SNAPC3: variants seen among roughly 807,000 people sequenced by gnomAD.
SNAPC3 encodes the protein small nuclear RNA activating complex polypeptide 3, also known as snRNA-activating protein complex subunit 3.
In SNAPC3, 56 loss-of-function variants were observed where a neutral mutation model predicts 47.7. The ratio of observed to expected loss-of-function variants is 1.18; its 90% CI spans 0.95 to 1.47. The LOEUF is 1.47. Among genes scored for constraint, SNAPC3 ranks in the 40% most tolerant of loss-of-function variants. SNAPC3 has a pLI of 0.00. For missense variants in SNAPC3, 665 were observed against 511.3 expected, an observed-to-expected ratio of 1.30 and a Z score of -2.90; for synonymous variants, 235 against 189.9, an observed-to-expected ratio of 1.24 and a Z score of -1.95.
At chr9:15,425,310 C>T (rs940986135) in intron 2 of SNAPC3, among the ~76,000 whole-genome samples, 29 of 152,108 alleles carry the variant, frequency 1.9e-4, no homozygotes, top group African/African-American at 7.0e-4. Flanking sequence ...CTTCTGCCTC[C>T]GGGTTCAAGC....
At chr9:15,465,936 AAG>A (rs759291772), downstream of SNAPC3, 8 of 191,656 alleles carry the variant, frequency 4.2e-5, no homozygotes, top group Non-Finnish European at 6.4e-5. Context: ...TCTTAATAAA[AAG>A]AGAGGTTGAT....
chr9:15,465,309 C>T, downstream of SNAPC3: 1 of 459,226 alleles, frequency 2.2e-6, no homozygotes, highest in Non-Finnish European at 3.8e-6. Context: ...GGATTTTATC[C>T]CACATTTACT....
Position 15,423,034 on chromosome 9 carries a change from G to T in SNAPC3, c.155G>T (p.Arg52Leu). ...GTGGGCGCCTTTGGGGAGCTGTGGC[G>T]GGGCCGTCTGCGCGGGGCCGGGGAC... ...FHVGAFGELW[R>L]GRLRGAGDLS... The change falls in exon 1 of 9, where the codon CGG becomes CTG. Residue 52 changes from arginine (R) to leucine (L), a missense_variant. Coordinates refer to ENST00000380821, the MANE Select transcript of SNAPC3 (RefSeq NM_001039697.2). The T allele has an allele frequency of 1.3e-6, 2 of 1,524,450 alleles. No homozygotes were observed. The highest frequency in any genetic ancestry group is 8.8e-7 in the Non-Finnish European group (1 of 1,142,160). 94.4% of individuals were successfully genotyped at this position (1,524,450 alleles called of 1,614,324 possible). A position where few individuals can be genotyped will look rare whatever the true frequency, so the allele number is the denominator to read the frequency against.
chr9:15,431,527 G>A (rs190258793), intron 2 of SNAPC3, among the ~76,000 whole-genome samples: 1 of 149,248 alleles, frequency 6.7e-6, no homozygotes, highest in African/African-American at 2.4e-5. Flanking sequence ...AGATAACAGA[G>A]TATACACAAA....
chr9:15,435,141 C>T (rs552140676), intron 3 of SNAPC3, among the ~76,000 whole-genome samples: 8 of 152,018 alleles, frequency 5.3e-5, no homozygotes, highest in South Asian at 2.1e-4. Flanking sequence ...ATTGTGGTTT[C>T]GATTTGCATT....
intron 2 of SNAPC3, among the ~76,000 whole-genome samples, chr9:15,432,994 T>C (rs2032352930): frequency 6.6e-6 from 1 of 152,152 alleles, no homozygotes; most frequent in Admixed American, 6.5e-5. Context: ...TAAACATCAC[T>C]AGTAAGATGT....
At chr9:15,433,664 C>A in intron 3 of SNAPC3, 28 bp downstream of exon 3, 2 of 1,397,782 alleles carry the variant, frequency 1.4e-6, no homozygotes, top group Non-Finnish European at 1.0e-6. Context: ...CTTTTTCACC[C>A]TTTTCTCTTA....
At chr9:15,437,669 T>C (rs1048506177) in intron 3 of SNAPC3, among the ~76,000 whole-genome samples, 1 of 151,858 alleles carries the variant, frequency 6.6e-6, no homozygotes, top group Admixed American at 6.5e-5. Flanking sequence ...TGGTGTATTA[T>C]ATTGATTGAC....
intron 2 of SNAPC3, among the ~76,000 whole-genome samples, chr9:15,431,495 A>G (rs1236858921): frequency 6.6e-6 from 1 of 151,984 alleles, no homozygotes; most frequent in East Asian, 1.9e-4. Context: ...TTTCTTCCTA[A>G]TTGAACTCAG....
At chr9:15,434,205 G>C (rs142917417) in intron 3 of SNAPC3, among the ~76,000 whole-genome samples, 104 of 152,206 alleles carry the variant, frequency 6.8e-4, no homozygotes, top group African/African-American at 2.4e-3. Flanking sequence ...GTGGCAATAA[G>C]TACATTCACA....
At chr9:15,438,235 C>T (rs2033008053) in intron 3 of SNAPC3, among the ~76,000 whole-genome samples, 1 of 152,000 alleles carries the variant, frequency 6.6e-6, no homozygotes, top group African/African-American at 2.4e-5. Flanking sequence ...GGAATTTGTC[C>T]TTTTCATCTA....
chr9:15,442,655 C>A (rs1052546418), intron 3 of SNAPC3, among the ~76,000 whole-genome samples: 1 of 151,436 alleles, frequency 6.6e-6, no homozygotes, highest in South Asian at 2.1e-4. Flanking sequence ...GACGAGATGG[C>A]GGCCAGGAAG....
At chr9:15,424,681 C>G (rs1368734359) in intron 2 of SNAPC3, among the ~76,000 whole-genome samples, 2 of 152,272 alleles carry the variant, frequency 1.3e-5, no homozygotes, top group African/African-American at 2.4e-5. Context: ...GGTCTGCCTA[C>G]CACTCTTTGA....
At chr9:15,453,297 G>A (rs1351764791) in intron 7 of SNAPC3, 92 bp downstream of exon 7, 1 of 1,030,504 alleles carries the variant, frequency 9.7e-7, no homozygotes, top group South Asian at 1.7e-5. Context: ...AATAAGAGGA[G>A]TAAAAGTAAT....
chr9:15,435,844 CTTTT>C (rs57744583), intron 3 of SNAPC3, among the ~76,000 whole-genome samples: 1 of 123,842 alleles, frequency 8.1e-6, no homozygotes. Context: ...ACTTTTCTTT[CTTTT>C]TTTTTTTTTT....
intron 3 of SNAPC3, among the ~76,000 whole-genome samples, chr9:15,440,678 G>A (rs1479387372): frequency 1.3e-5 from 2 of 152,118 alleles, no homozygotes; most frequent in African/African-American, 2.4e-5. Context: ...GGCCGGGCGC[G>A]GTGGCTCACG....
intron 2 of SNAPC3, among the ~76,000 whole-genome samples, chr9:15,431,022 G>A (rs2032077427): frequency 6.6e-6 from 1 of 152,150 alleles, no homozygotes; most frequent in South Asian, 2.1e-4. Flanking sequence ...TGTCAGTGAA[G>A]GGCAATGGAG....
intron 3 of SNAPC3, among the ~76,000 whole-genome samples, chr9:15,442,633 C>T (rs973601775): frequency 2.6e-5 from 4 of 151,984 alleles, no homozygotes; most frequent in Non-Finnish European, 5.9e-5. Flanking sequence ...CAGAGACGCT[C>T]CTCACTTCCT....
At chr9:15,437,024 C>G (rs534068316) in intron 3 of SNAPC3, among the ~76,000 whole-genome samples, 1 of 151,572 alleles carries the variant, frequency 6.6e-6, no homozygotes, top group Non-Finnish European at 1.5e-5. Flanking sequence ...GGGGTTTCTC[C>G]GTGTTGGCCA....
Sources: allele counts gnomAD v4.1 joint callset (sites outside exome capture counted in the v4.1 genomes callset), GRCh38; gene constraint gnomAD v4.1.1; transcripts MANE v1.5; gene names NCBI Gene and HGNC (gene_info 2026-07-23, HGNC 2026-07-21).